The following MKLN1 variants were observed in gnomAD, a reference collection of about 807,000 sequenced individuals.
MKLN1 encodes the protein muskelin.
In MKLN1, 18 loss-of-function variants were observed where a neutral mutation model predicts 99.0. The observed-to-expected ratio is 0.18, with a 90% CI of 0.13 to 0.27. The LOEUF is 0.27. Ranked by LOEUF, MKLN1 falls within the 10% of genes least tolerant of loss-of-function variation. The pLI is 1.00. For missense variants in MKLN1, 621 were observed against 875.9 expected (o/e 0.71, Z 3.67); for synonymous variants, 288 against 293.2 (o/e 0.98, Z 0.18).
intron 3 of MKLN1, among the ~76,000 whole-genome samples, chr7:131,290,702 A>G (rs930975791): frequency 5.3e-5 from 8 of 152,230 alleles, no homozygotes; most frequent in Admixed American, 2.0e-4. Context: ...CATTTATTTT[A>G]ATAAACTGAT....
At chr7:131,357,542 G>A (rs902344234) in intron 1 of MKLN1, among the ~76,000 whole-genome samples, 6 of 151,956 alleles carry the variant, frequency 3.9e-5, no homozygotes, top group Admixed American at 1.3e-4. Flanking sequence ...TGTCTCTTCC[G>A]CCATACTAAT....
intron 2 of MKLN1, among the ~76,000 whole-genome samples, chr7:131,199,510 A>G (rs1272352990): frequency 6.6e-6 from 1 of 152,312 alleles, no homozygotes; most frequent in South Asian, 2.1e-4. Context: ...TCTTTATTTC[A>G]ATACTCACTG....
chr7:131,401,147 G>C (rs1212089687), intron 6 of MKLN1, among the ~76,000 whole-genome samples: 2 of 152,114 alleles, frequency 1.3e-5, no homozygotes, highest in African/African-American at 4.8e-5. Flanking sequence ...CAAGCTTCTT[G>C]TAATGGAGGA....
intron 2 of MKLN1, among the ~76,000 whole-genome samples, chr7:131,177,577 C>T (rs1347773809): frequency 6.6e-6 from 1 of 151,632 alleles, no homozygotes; most frequent in Non-Finnish European, 1.5e-5. Context: ...ATATAATAAG[C>T]CTCTGATGAT....
chr7:131,435,326 C>CCACCTCTTCCCCATTTT (rs1264758571), intron 9 of MKLN1, among the ~76,000 whole-genome samples: 1 of 152,146 alleles, frequency 6.6e-6, no homozygotes, highest in Non-Finnish European at 1.5e-5. Flanking sequence ...AATGATTTCT[C>CCACCTCTTCCCCATTTT]CACCTCTTCC....
At chr7:131,302,688 A>T (rs1450774818) in intron 3 of MKLN1, among the ~76,000 whole-genome samples, 2 of 152,172 alleles carry the variant, frequency 1.3e-5, no homozygotes, top group African/African-American at 2.4e-5. Flanking sequence ...CCAAACCAGG[A>T]TATGTGCTCA....
At chr7:131,397,479 A>T in intron 5 of MKLN1, 103 bp downstream of exon 5, 1 of 639,320 alleles carries the variant, frequency 1.6e-6, no homozygotes. Flanking sequence ...AAATAATAAT[A>T]ACAACAGTTA....
At chr7:131,123,022 C>A (rs1411748562) in intron 1 of MKLN1, among the ~76,000 whole-genome samples, 11 of 60,394 alleles carry the variant, frequency 1.8e-4, no homozygotes, top group Non-Finnish European at 2.3e-4. Context: ...GACTCCGTCT[C>A]AAAAAAAAAA....
At chr7:131,285,130 C>G (rs912750482) in intron 3 of MKLN1, 1 of 152,330 alleles carries the variant, frequency 6.6e-6, no homozygotes, top group Non-Finnish European at 1.5e-5. Context: ...TCATTCTCTC[C>G]TGGCTGCTGT....
At chr7:131,378,190 C>A (rs950885278) in intron 2 of MKLN1, among the ~76,000 whole-genome samples, 2 of 152,192 alleles carry the variant, frequency 1.3e-5, no homozygotes, top group African/African-American at 2.4e-5. Flanking sequence ...TGGCTCACTG[C>A]AGCCTCCACC....
intron 3 of MKLN1, among the ~76,000 whole-genome samples, chr7:131,234,807 T>C (rs1375941058): frequency 6.6e-6 from 1 of 152,200 alleles, no homozygotes; most frequent in Admixed American, 6.5e-5. Flanking sequence ...AGAGAAATGC[T>C]GTCGTGTCAG....
At chr7:131,112,048 T>C (rs559142275) in intron 1 of MKLN1, among the ~76,000 whole-genome samples, 2 of 152,360 alleles carry the variant, frequency 1.3e-5, no homozygotes, top group African/African-American at 4.8e-5. Flanking sequence ...CCTTCCTCTT[T>C]ATAACAAGGA....
chr7:131,122,297 G>C (rs1172897470), intron 1 of MKLN1, among the ~76,000 whole-genome samples: 2 of 152,210 alleles, frequency 1.3e-5, no homozygotes, highest in East Asian at 1.9e-4. Context: ...TGCAAACCCA[G>C]CTTGATCTTA....
chr7:131,242,881 A>G (rs534413750), intron 3 of MKLN1: 9 of 669,522 alleles, frequency 1.3e-5, no homozygotes, highest in African/African-American at 5.4e-5. Flanking sequence ...ACTGTCATCA[A>G]TAAGGATGTC....
intron 3 of MKLN1, among the ~76,000 whole-genome samples, chr7:131,278,049 T>C (rs1797999596): frequency 6.6e-6 from 1 of 152,152 alleles, no homozygotes. Flanking sequence ...TTATTTTATT[T>C]ATTTTATTTT....
At chr7:131,251,438 C>T (rs2116516147) in intron 3 of MKLN1, among the ~76,000 whole-genome samples, 1 of 152,258 alleles carries the variant, frequency 6.6e-6, no homozygotes, top group Admixed American at 6.5e-5. Flanking sequence ...TATACATGAG[C>T]TTATTAGACC....
At chr7:131,177,835 A>G (rs1584811308) in intron 2 of MKLN1, among the ~76,000 whole-genome samples, 1 of 152,214 alleles carries the variant, frequency 6.6e-6, no homozygotes, top group African/African-American at 2.4e-5. Context: ...GCTTAAATAC[A>G]TGAAGCTGTA....
At chr7:131,172,935 A>G (rs1419908925) in intron 2 of MKLN1, among the ~76,000 whole-genome samples, 2 of 152,218 alleles carry the variant, frequency 1.3e-5, no homozygotes, top group Non-Finnish European at 1.5e-5. Flanking sequence ...CCAGCATATG[A>G]GAAATGACTG....
chr7:131,266,373 T>C (rs996636884), intron 3 of MKLN1, among the ~76,000 whole-genome samples: 3 of 152,144 alleles, frequency 2.0e-5, no homozygotes, highest in Admixed American at 6.6e-5. Context: ...TAATTACTAT[T>C]TTGCAGCCTA....
Sources: allele counts gnomAD v4.1 joint callset (sites outside exome capture counted in the v4.1 genomes callset), GRCh38; gene constraint gnomAD v4.1.1; transcripts MANE v1.5; gene names NCBI Gene and HGNC (gene_info 2026-07-23, HGNC 2026-07-21).